The following ADCY2 variants were observed in gnomAD, a reference collection of about 807,000 sequenced individuals.
The protein encoded by ADCY2 is adenylate cyclase 2, also known as adenylate cyclase type 2.
ADCY2 carries 31 observed loss-of-function variants against 125.2 expected under a neutral mutation model. The observed-to-expected ratio is 0.25, with a 90% CI of 0.19 to 0.33. ADCY2 has a LOEUF of 0.33. ADCY2 is among the 10% of genes least tolerant of loss of function. ADCY2 has a pLI of 1.00. For synonymous variants in ADCY2, 512 were observed against 548.4 expected (o/e 0.93, Z 0.93); for missense variants, 904 against 1,418.2 (o/e 0.64, Z 5.82).
intron 17 of ADCY2, among the ~76,000 whole-genome samples, chr5:7,771,861 T>G (rs1488584197): frequency 6.6e-6 from 1 of 152,210 alleles, no homozygotes; most frequent in Non-Finnish European, 1.5e-5. Flanking sequence ...TTAAAAAACA[T>G]CAATAAGATC....
chr5:7,512,148 G>A (rs1420404561), intron 2 of ADCY2, among the ~76,000 whole-genome samples: 2 of 139,838 alleles, frequency 1.4e-5, no homozygotes, highest in South Asian at 4.7e-4. Context: ...TTGAACCTGG[G>A]AGATGAAGGT....
intron 1 of ADCY2, among the ~76,000 whole-genome samples, chr5:7,411,951 T>C (rs373316981): frequency 6.6e-6 from 1 of 151,580 alleles, no homozygotes; most frequent in Non-Finnish European, 1.5e-5. Flanking sequence ...GGCGGGCGCC[T>C]GTAGTCCCAG....
intron 2 of ADCY2, among the ~76,000 whole-genome samples, chr5:7,515,101 C>T (rs10475376): frequency 0.18 from 27,352 of 152,114 alleles, 2,635 homozygotes; most frequent in East Asian, 0.33. Flanking sequence ...TAAATGGTCC[C>T]TTCCACTCTA....
intron 5 of ADCY2, among the ~76,000 whole-genome samples, chr5:7,694,920 A>C (rs1051571076): frequency 2.6e-5 from 4 of 152,190 alleles, no homozygotes; most frequent in Non-Finnish European, 5.9e-5. Flanking sequence ...CCAGGTTCTC[A>C]TCCACAACCA....
At chr5:7,770,935 A>G (rs140608362) in intron 17 of ADCY2, among the ~76,000 whole-genome samples, 61 of 152,336 alleles carry the variant, frequency 4.0e-4, no homozygotes, top group African/African-American at 1.4e-3. Flanking sequence ...ACTAAAAAGG[A>G]AGCCATATGA....
chr5:7,698,913 C>T (rs1393846782), intron 7 of ADCY2, among the ~76,000 whole-genome samples: 3 of 151,914 alleles, frequency 2.0e-5, no homozygotes, highest in African/African-American at 7.3e-5. Flanking sequence ...AGTAATGGGA[C>T]TGCTGGGTCA....
At chr5:7,557,788 A>G (rs1486259035) in intron 3 of ADCY2, among the ~76,000 whole-genome samples, 1 of 152,142 alleles carries the variant, frequency 6.6e-6, no homozygotes, top group East Asian at 1.9e-4. Context: ...GGTTGATTCC[A>G]TGTTGTTGCT....
intron 3 of ADCY2, among the ~76,000 whole-genome samples, chr5:7,610,612 T>C (rs1033965768): frequency 4.0e-5 from 6 of 151,582 alleles, no homozygotes; most frequent in African/African-American, 9.7e-5. Context: ...ATGGAGAAGA[T>C]GGAAGGATGT....
Position 7,732,951 on chromosome 5 carries a change from G to T in ADCY2, c.1871+5690G>T, listed in dbSNP as rs80330256. ...CTTTTTGGAGCTGCTCTCTCACTCTGTCTGCCCTGTAGTATAACTTTATTA... is the reference window on the plus strand; with the variant it reads ...CTTTTTGGAGCTGCTCTCTCACTCTTTCTGCCCTGTAGTATAACTTTATTA... On this transcript the variant is annotated intron_variant, in intron 14 of 24. Transcript: ENST00000338316. Among the ~76,000 whole-genome samples, 548 of 152,274 alleles carry T rather than the reference G, an allele frequency of 3.6e-3. 3 individuals are homozygous for T. Among genetic ancestry groups the T allele is most frequent in the Non-Finnish European group, 2.9e-3 (198 of 68,022 alleles).
At chr5:7,591,742 A>G (rs1199560961) in intron 3 of ADCY2, among the ~76,000 whole-genome samples, 1 of 152,194 alleles carries the variant, frequency 6.6e-6, no homozygotes, top group Non-Finnish European at 1.5e-5. Context: ...AAGGCAATCC[A>G]CGCATAGAAT....
chr5:7,401,938 G>A (rs1436256922), intron 1 of ADCY2, among the ~76,000 whole-genome samples: 2 of 152,160 alleles, frequency 1.3e-5, no homozygotes, highest in Admixed American at 1.3e-4. Flanking sequence ...TATTGACATC[G>A]AGACAATTCA....
intron 3 of ADCY2, among the ~76,000 whole-genome samples, chr5:7,586,222 T>C (rs1411480234): frequency 6.6e-6 from 1 of 152,244 alleles, no homozygotes; most frequent in Non-Finnish European, 1.5e-5. Flanking sequence ...GTTTTCCTTT[T>C]GTTCTGGCAA....
intron 3 of ADCY2, among the ~76,000 whole-genome samples, chr5:7,578,381 C>G (rs896173778): frequency 2.0e-5 from 3 of 152,168 alleles, no homozygotes; most frequent in African/African-American, 4.8e-5. Context: ...ATAAATACAG[C>G]ACGGAGGTTC....
At chr5:7,805,883 A>G (rs765796951) in intron 22 of ADCY2, among the ~76,000 whole-genome samples, 2 of 152,212 alleles carry the variant, frequency 1.3e-5, no homozygotes, top group Non-Finnish European at 2.9e-5. Flanking sequence ...TTGGAGTGAT[A>G]TGTATTCCAT....
intron 2 of ADCY2, among the ~76,000 whole-genome samples, chr5:7,513,456 A>G (rs937141722): frequency 6.6e-6 from 1 of 152,216 alleles, no homozygotes; most frequent in Admixed American, 6.5e-5. Flanking sequence ...CATTTCCACT[A>G]TACAGCTTTC....
rs558756153 is a variant in ADCY2 at position 7,750,660 on chromosome 5, A to T, written c.1957-6789A>T. ...TTGTGATTATTTATAATTTTTTCTA[A>T]CATTCTAAAAACAGGATTCCATAAT... On this transcript the variant is annotated intron_variant, in intron 15 of 24. Coordinates refer to ENST00000338316, the MANE Select transcript of ADCY2 (RefSeq NM_020546.3). 1.6e-3 allele frequency among the ~76,000 whole-genome samples: 243 copies of T among 151,766 alleles called. 1 individual carries two copies. The highest frequency in any genetic ancestry group is 9.0e-4 in the Non-Finnish European group (61 of 67,984).
chr5:7,607,823 A>G (rs12152969), intron 3 of ADCY2, among the ~76,000 whole-genome samples: 94,796 of 152,098 alleles, frequency 0.62, 30,173 homozygotes, highest in Non-Finnish European at 0.67. Flanking sequence ...AGATACATAA[A>G]CTAAGAAGGC....
At chr5:7,448,893 T>C (rs1253122210) in intron 2 of ADCY2, among the ~76,000 whole-genome samples, 1 of 152,230 alleles carries the variant, frequency 6.6e-6, no homozygotes, top group East Asian at 1.9e-4. Context: ...GGCATTTTGA[T>C]TGATTTCATG....
chr5:7,581,316 A>G (rs971998113), intron 3 of ADCY2, among the ~76,000 whole-genome samples: 5 of 152,138 alleles, frequency 3.3e-5, no homozygotes, highest in African/African-American at 1.2e-4. Context: ...AAACACACAT[A>G]TATTTCATAT....
Sources: gnomAD v4.1 joint callset for allele counts (sites outside exome capture counted in the v4.1 genomes callset) on GRCh38, gnomAD v4.1.1 for gene constraint, MANE v1.5 for transcripts, NCBI Gene and HGNC (gene_info 2026-07-23, HGNC 2026-07-21) for gene names.